The following ARNT2 variants were observed in gnomAD, a reference collection of about 807,000 sequenced individuals.
The protein encoded by ARNT2 is ARNT protein 2.
In ARNT2, 36 loss-of-function variants were observed where a neutral mutation model predicts 91.7. The ratio of observed to expected loss-of-function variants is 0.39; its 90% confidence interval spans 0.30 to 0.52. The LOEUF (loss-of-function observed/expected upper bound fraction) is 0.52, where lower values mean the gene tolerates loss of function less well. Ranked by LOEUF, ARNT2 falls within the 20% of genes least tolerant of loss-of-function variation. ARNT2 has a pLI of 0.72. For missense variants in ARNT2, 775 were observed against 939.3 expected (o/e 0.83, Z 2.29); for synonymous variants, 365 against 347.1 (o/e 1.05, Z -0.57).
At chr15:80,463,567 G>T (rs1158439697) in intron 3 of ARNT2, among the ~76,000 whole-genome samples, 1 of 128,556 alleles carries the variant, frequency 7.8e-6, no homozygotes, top group Middle Eastern at 3.5e-3. Context: ...ATATGGATGG[G>T]TGATTTCCTT....
At chr15:80,423,275 C>G (rs1420960098) in intron 1 of ARNT2, among the ~76,000 whole-genome samples, 1 of 152,244 alleles carries the variant, frequency 6.6e-6, no homozygotes, top group African/African-American at 2.4e-5. Context: ...ACGTCACCAT[C>G]ATCCTAGACC....
At chr15:80,493,916 T>G (rs1396481638) in intron 5 of ARNT2, among the ~76,000 whole-genome samples, 1 of 152,148 alleles carries the variant, frequency 6.6e-6, no homozygotes, top group Non-Finnish European at 1.5e-5. Flanking sequence ...GAGAGCTGTT[T>G]GTTTAAAAGA....
intron 1 of ARNT2, among the ~76,000 whole-genome samples, chr15:80,449,691 G>A (rs1896358792): frequency 6.6e-6 from 1 of 152,164 alleles, no homozygotes; most frequent in South Asian, 2.1e-4. Flanking sequence ...AGTTCAAGTT[G>A]AGCTTCAAAT....
rs149633120 is a variant in ARNT2, at chr15:80,457,938, C to A, written c.156C>A (p.Phe52Leu). The change falls in exon 3 of 19, where the codon TTC (phenylalanine) becomes TTA (leucine). Residue 52 changes from phenylalanine (F) to leucine (L), a missense_variant. Coordinates refer to ENST00000303329, the MANE Select transcript of ARNT2 (RefSeq NM_014862.4). Reference sequence around the variant, plus strand: ...GATCTTGACTTTTCAGAATGGACTTCGATGATGAAGATGGTGAAGGCCCCA... The same window carrying A: ...GATCTTGACTTTTCAGAATGGACTTAGATGATGAAGATGGTGAAGGCCCCA... ...RGGKRRSGMD[F>L]DDEDGEGPSK... is the part of the protein sequence containing the mutation. The A allele has an allele frequency of 3.1e-6, 5 of 1,613,594 alleles. No homozygotes were observed. The highest frequency in any genetic ancestry group is 8.5e-7 in the Non-Finnish European group (1 of 1,179,924).
chr15:80,452,774 C>T (rs1168888564), intron 2 of ARNT2, among the ~76,000 whole-genome samples: 1 of 152,152 alleles, frequency 6.6e-6, no homozygotes, highest in East Asian at 1.9e-4. Context: ...GCCTCTGAGC[C>T]TCTGCCAGGA....
intron 10 of ARNT2, chr15:80,554,611 T>C (rs1898144144): frequency 6.1e-6 from 1 of 162,752 alleles, no homozygotes. Flanking sequence ...AAACAGGCTT[T>C]TAACAAGTAC....
At chr15:80,499,214 AAT>A (rs984719244) in intron 5 of ARNT2, among the ~76,000 whole-genome samples, 4 of 152,166 alleles carry the variant, frequency 2.6e-5, no homozygotes, top group Non-Finnish European at 5.9e-5. Flanking sequence ...TCAATGATCA[AAT>A]ATTTCTCCCC....
At chr15:80,556,659 C>T (rs759010692) in intron 11 of ARNT2, 1 of 152,346 alleles carries the variant, frequency 6.6e-6, no homozygotes, top group Non-Finnish European at 1.5e-5. Context: ...TGCTGTGTAC[C>T]GAGCACCTAC....
chr15:80,444,109 C>T (rs770791397), intron 1 of ARNT2, among the ~76,000 whole-genome samples: 3 of 152,162 alleles, frequency 2.0e-5, no homozygotes, highest in Admixed American at 6.5e-5. Flanking sequence ...TCTTCACGCC[C>T]ATTTCAAATG....
At chr15:80,493,846 A>G (rs1033776381) in intron 5 of ARNT2, among the ~76,000 whole-genome samples, 4 of 152,186 alleles carry the variant, frequency 2.6e-5, no homozygotes, top group African/African-American at 9.6e-5. Flanking sequence ...CAGATCCCTC[A>G]CTAATGGCCT....
chr15:80,513,885 A>T (rs180982832), intron 6 of ARNT2, 26 bp from the exon 7 acceptor site: 4 of 1,596,814 alleles, frequency 2.5e-6, no homozygotes, highest in Admixed American at 3.3e-5. Flanking sequence ...GTCTTTGCTC[A>T]TTCTAATACA....
chr15:80,409,035 G>A (rs1219762928), intron 1 of ARNT2, among the ~76,000 whole-genome samples: 1 of 152,120 alleles, frequency 6.6e-6, no homozygotes, highest in Non-Finnish European at 1.5e-5. Flanking sequence ...CCCCAGCAGA[G>A]TAGTACATGT....
intron 15 of ARNT2, among the ~76,000 whole-genome samples, chr15:80,577,664 G>A (rs1251475523): frequency 1.3e-5 from 2 of 152,248 alleles, no homozygotes; most frequent in African/African-American, 4.8e-5. Flanking sequence ...AGTGAGGTTG[G>A]CCAGACCCTA....
At chr15:80,455,014 A>G (rs185624011) in intron 2 of ARNT2, among the ~76,000 whole-genome samples, 1 of 152,328 alleles carries the variant, frequency 6.6e-6, no homozygotes, top group Admixed American at 6.5e-5. Flanking sequence ...CTCCTTTATT[A>G]TCCAGATGCT....
chr15:80,453,548 G>A (rs760446958), intron 2 of ARNT2, among the ~76,000 whole-genome samples: 18 of 152,206 alleles, frequency 1.2e-4, no homozygotes, highest in Non-Finnish European at 2.2e-4. Flanking sequence ...GGCCTCCGCT[G>A]TTCTAGAAGC....
intron 8 of ARNT2, 33 bp downstream of exon 8, chr15:80,514,438 C>A (rs766509017): frequency 6.3e-7 from 1 of 1,587,956 alleles, no homozygotes; most frequent in Admixed American, 1.7e-5. Flanking sequence ...TCCACGGGAA[C>A]TGGGTGCTGC....
At chr15:80,417,242 T>G (rs1225379672) in intron 1 of ARNT2, among the ~76,000 whole-genome samples, 1 of 152,238 alleles carries the variant, frequency 6.6e-6, no homozygotes, top group East Asian at 1.9e-4. Flanking sequence ...TGGATCTTCA[T>G]TCAAACAGTA....
chr15:80,493,016 G>C (rs1282108809), intron 5 of ARNT2, among the ~76,000 whole-genome samples: 4 of 152,116 alleles, frequency 2.6e-5, no homozygotes, highest in African/African-American at 9.7e-5. Context: ...AACTTATTTG[G>C]CTTACAGTTC....
At chr15:80,491,863 TGG>T in intron 5 of ARNT2, among the ~76,000 whole-genome samples, 1 of 148,290 alleles carries the variant, frequency 6.7e-6, no homozygotes. Context: ...TTTGGTTTTT[TGG>T]TGATTTTTTG....
Sources: allele counts gnomAD v4.1 joint callset (sites outside exome capture counted in the v4.1 genomes callset), GRCh38; gene constraint gnomAD v4.1.1; transcripts MANE v1.5; gene names NCBI Gene and HGNC (gene_info 2026-07-23, HGNC 2026-07-21).